The following EXOC5 variants were observed in gnomAD, a reference collection of about 807,000 sequenced individuals.
EXOC5 encodes SEC10-like 1.
A neutral mutation model predicts 90.8 loss-of-function variants in EXOC5; 17 were observed. That is an observed-to-expected ratio of 0.19 (90% CI 0.13 to 0.28). The LOEUF is 0.28. EXOC5 is among the 10% of genes least tolerant of loss of function. EXOC5 has a pLI of 1.00. For missense variants in EXOC5, 569 were observed against 830.6 expected, an observed-to-expected ratio of 0.69 and a Z score of 3.87; for synonymous variants, 260 against 270.0, an observed-to-expected ratio of 0.96 and a Z score of 0.36.
At chr14:57,257,313 T>C (rs1325977330) in intron 1 of EXOC5, among the ~76,000 whole-genome samples, 1 of 152,212 alleles carries the variant, frequency 6.6e-6, no homozygotes. Flanking sequence ...TTGTTCCACA[T>C]ATGTTAAAGT....
rs890035237 is a variant in EXOC5, at chr14:57,215,390, A to G, written c.1613+2592T>C. On this transcript the variant is annotated intron_variant, in intron 15 of 17. Coordinates refer to ENST00000621441, the MANE Select transcript of EXOC5 (RefSeq NM_006544.4). ...ATATAGGAAAGAAAATTACAGGCCAATATCCCTGATGAATAAAGATGTAAA... is the reference window on the plus strand; with the variant it reads ...ATATAGGAAAGAAAATTACAGGCCAGTATCCCTGATGAATAAAGATGTAAA... Among the ~76,000 whole-genome samples, 14 of 149,482 alleles carry G rather than the reference A, an allele frequency of 9.4e-5. No homozygotes were observed. The East Asian group carries it at 2.3e-3, about 25-fold the overall frequency.
intron 2 of EXOC5, among the ~76,000 whole-genome samples, 194 bp from the exon 3 acceptor site, chr14:57,247,052 C>T (rs555653293): frequency 3.3e-4 from 50 of 152,210 alleles, no homozygotes; most frequent in Non-Finnish European, 6.5e-4. Flanking sequence ...TCATAACTTC[C>T]TCATAGTTTT....
rs1473984520 is a variant in EXOC5 at position 57,201,437 on chromosome 14, CACACGT to C, written c.*7166_*7171del. On this transcript the variant is annotated 3_prime_UTR_variant, in exon 18 of 18. Coordinates refer to ENST00000621441, the MANE Select transcript of EXOC5 (RefSeq NM_006544.4). ...TGATTAGTATATATATATACACACACACACGTGTGTATATATACACACGCGTGTATA... is the reference window on the plus strand; with the variant it reads ...TGATTAGTATATATATATACACACACGTGTATATATACACACGCGTGTATA... The C allele has an allele frequency of 9.7e-5, 14 of 143,944 alleles. No individual in the cohort carries two copies. The highest frequency in any genetic ancestry group is 1.8e-4 in the African/African-American group (7 of 37,936). The allele number at this position is 143,944 out of a possible 1,614,324, so 8.9% of individuals were successfully genotyped here.
intron 1 of EXOC5, among the ~76,000 whole-genome samples, 166 bp from the exon 2 acceptor site, chr14:57,247,878 T>G (rs927433824): frequency 2.3e-5 from 3 of 133,294 alleles, no homozygotes; most frequent in Non-Finnish European, 4.4e-5. Context: ...TTAAAAAATC[T>G]TCAATAAACA....
rs1280218151 is a variant in EXOC5, at chr14:57,205,819, T to A, written c.*2790A>T. On this transcript the variant is annotated 3_prime_UTR_variant, in exon 18 of 18. Transcript: ENST00000621441. ...AATTAGATTTTAATTTAACCTACTT[T>A]GATAGTTTTTTAAAACAAGGAAGAT... 2.3e-6 allele frequency: 1 copy of A among 441,498 alleles called. No homozygotes were observed. Among genetic ancestry groups the A allele is most frequent in the Non-Finnish European group, 4.5e-6 (1 of 223,552 alleles). 27.3% of individuals were successfully genotyped at this position (441,498 alleles called of 1,614,324 possible). A position where few individuals can be genotyped will look rare whatever the true frequency, so the allele number is the denominator to read the frequency against.
At chr14:57,211,125 T>C (rs1882813576) in intron 15 of EXOC5, among the ~76,000 whole-genome samples, 1 of 152,228 alleles carries the variant, frequency 6.6e-6, no homozygotes, top group East Asian at 1.9e-4. Context: ...TGTTCTGTTA[T>C]GAATGTACAC....
intron 1 of EXOC5, among the ~76,000 whole-genome samples, chr14:57,260,129 A>T (rs1021164993): frequency 7.2e-5 from 11 of 152,102 alleles, no homozygotes; most frequent in African/African-American, 2.4e-4. Context: ...CTACTTTCTA[A>T]CCCCATTTTC....
rs895398205 is a variant in EXOC5 at position 57,268,845 on chromosome 14, G to T, written c.-197C>A. 6.9e-6 allele frequency: 9 copies of T among 1,295,152 alleles called. No homozygotes were observed. The Admixed American group carries it at 3.2e-4, about 46-fold the overall frequency. The allele number at this position is 1,295,152 out of a possible 1,614,324, so 80.2% of individuals were successfully genotyped here. A position where few individuals can be genotyped will look rare whatever the true frequency, so the allele number is the denominator to read the frequency against. On this transcript the variant is annotated 5_prime_UTR_variant, in exon 1 of 18. Coordinates refer to ENST00000621441, the MANE Select transcript of EXOC5 (RefSeq NM_006544.4). ...GCGAAGCCGCAAACGCTTGTCAGCT[G>T]CCTCCCGGCGCCGCCCGCGCTGCTC...
chr14:57,268,610 G>C lies in EXOC5; in HGVS notation c.27+12C>G, dbSNP rs1184684490. 1.9e-6 allele frequency: 3 copies of C among 1,588,586 alleles called. No homozygotes were observed. Among genetic ancestry groups the C allele is most frequent in the Non-Finnish European group, 2.6e-6 (3 of 1,172,652 alleles). On this transcript the variant is annotated intron_variant, in intron 1 of 17. Transcript: ENST00000621441. ...CGGGCCTGCCACTCCCTGTAGAGCC[G>C]CCGGGGCCCACCTCGAAGAGCTCGG...
intron 12 of EXOC5, among the ~76,000 whole-genome samples, chr14:57,229,407 C>G (rs901352528): frequency 6.6e-6 from 1 of 151,536 alleles, no homozygotes; most frequent in African/African-American, 2.4e-5. Context: ...AGCCACAGAT[C>G]AAAAAATATT....
At chr14:57,247,227 C>T (rs1458883897) in intron 2 of EXOC5, among the ~76,000 whole-genome samples, 1 of 152,082 alleles carries the variant, frequency 6.6e-6, no homozygotes, top group African/African-American at 2.4e-5. Context: ...TTAAAATAGT[C>T]AAGAAGGCAA....
chr14:57,230,755 A>G (rs1006344542), intron 11 of EXOC5, among the ~76,000 whole-genome samples: 3 of 152,084 alleles, frequency 2.0e-5, no homozygotes, highest in Admixed American at 1.3e-4. Context: ...GCATTAAGGT[A>G]TTAATTTAAT....
chr14:57,255,709 G>A, intron 1 of EXOC5, among the ~76,000 whole-genome samples: 1 of 152,104 alleles, frequency 6.6e-6, no homozygotes, highest in East Asian at 1.9e-4. Context: ...GTGGGCACCT[G>A]TAGTCCTAGC....
At chr14:57,232,515 G>A (rs935381515) in intron 10 of EXOC5, 152 bp downstream of exon 10, 6 of 455,154 alleles carry the variant, frequency 1.3e-5, no homozygotes, top group Non-Finnish European at 2.3e-5. Context: ...ATACAGTCTT[G>A]TACAATATAA....
chr14:57,209,384 T>A (rs1375335674), intron 17 of EXOC5, among the ~76,000 whole-genome samples, 183 bp downstream of exon 17: 3 of 151,646 alleles, frequency 2.0e-5, no homozygotes, highest in African/African-American at 4.8e-5. Flanking sequence ...AAATTTAAAA[T>A]TTAAAATAAA....
At chr14:57,216,228 C>CA (rs1021548523) in intron 15 of EXOC5, among the ~76,000 whole-genome samples, 26 of 149,828 alleles carry the variant, frequency 1.7e-4, no homozygotes, top group Non-Finnish European at 3.2e-4. Context: ...CTACTCAAAG[C>CA]AATTCAATGC....
intron 1 of EXOC5, among the ~76,000 whole-genome samples, chr14:57,253,875 T>A (rs1253835971): frequency 6.6e-6 from 1 of 152,160 alleles, no homozygotes; most frequent in South Asian, 2.1e-4. Context: ...TTACTTGTAA[T>A]ACCTAAAACT....
At position 57,268,827 on chromosome 14, in the gene EXOC5, C is replaced by A. The variant is rs945802801; in HGVS notation, c.-179G>T. On this transcript the variant is annotated 5_prime_UTR_variant, in exon 1 of 18. Transcript: ENST00000621441. ...CGGGAGAGCGGCCATGAAGCGAAGCCGCAAACGCTTGTCAGCTGCCTCCCG... is the reference window on the plus strand; with the variant it reads ...CGGGAGAGCGGCCATGAAGCGAAGCAGCAAACGCTTGTCAGCTGCCTCCCG... The A allele has an allele frequency of 7.2e-7, 1 of 1,383,512 alleles. No homozygotes were observed. The highest frequency in any genetic ancestry group is 3.4e-5 in the Admixed American group (1 of 29,362). The allele number at this position is 1,383,512 out of a possible 1,614,324, so 85.7% of individuals were successfully genotyped here.
rs138112044 is a variant in EXOC5 at position 57,240,345 on chromosome 14, G to A, written c.466-686C>T. Among the ~76,000 whole-genome samples, 28 of 151,978 alleles carry A rather than the reference G, an allele frequency of 1.8e-4. No homozygotes were observed. In the East Asian group the frequency reaches 1.9e-3, roughly 11 times the overall value. ...TCTTAAGGCTGGAGTGCAATGGCGC[G>A]ATATCTGCTCACTGCAACCTCCGCC... On this transcript the variant is annotated intron_variant, in intron 4 of 17. Transcript: ENST00000621441.
Sources: allele counts gnomAD v4.1 joint callset (sites outside exome capture counted in the v4.1 genomes callset), GRCh38; gene constraint gnomAD v4.1.1; transcripts MANE v1.5; gene names NCBI Gene and HGNC (gene_info 2026-07-23, HGNC 2026-07-21).